Variants in SGCZ observed in about 807,000 individuals in gnomAD.
SGCZ encodes sarcoglycan zeta.
SGCZ carries 40 observed loss-of-function variants against 41.3 expected under a neutral mutation model. The observed-to-expected ratio is 0.97, with a 90% CI of 0.75 to 1.26. The LOEUF (loss-of-function observed/expected upper bound fraction) is 1.26. Among genes scored for constraint, SGCZ ranks in the 50% most tolerant of loss-of-function variants. The pLI is 0.00. For missense variants in SGCZ, 552 were observed against 369.8 expected (o/e 1.49, Z -4.04); for synonymous variants, 206 against 137.5 (o/e 1.50, Z -3.49).
intron 1 of SGCZ, among the ~76,000 whole-genome samples, chr8:15,207,188 C>G (rs1272881424): frequency 6.6e-6 from 1 of 152,012 alleles, no homozygotes; most frequent in Admixed American, 6.6e-5. Flanking sequence ...CTGTTTTTTT[C>G]CAGACACACC....
At chr8:14,303,553 G>A (rs937722231) in intron 3 of SGCZ, among the ~76,000 whole-genome samples, 1 of 152,078 alleles carries the variant, frequency 6.6e-6, no homozygotes, top group African/African-American at 2.4e-5. Context: ...CAATATGTCA[G>A]TGGATTCTTA....
At chr8:14,473,987 C>T (rs964432557) in intron 2 of SGCZ, among the ~76,000 whole-genome samples, 8 of 151,842 alleles carry the variant, frequency 5.3e-5, no homozygotes, top group African/African-American at 1.7e-4. Context: ...AAGTAATACC[C>T]CATGGGTACT....
intron 1 of SGCZ, among the ~76,000 whole-genome samples, chr8:15,133,596 C>T (rs970395675): frequency 2.0e-5 from 3 of 152,196 alleles, no homozygotes; most frequent in African/African-American, 7.2e-5. Context: ...CAGTATCTCA[C>T]TTGTAGGAGA....
chr8:15,004,219 T>TA (rs1395637041), intron 1 of SGCZ, among the ~76,000 whole-genome samples: 8 of 152,234 alleles, frequency 5.3e-5, no homozygotes, highest in Non-Finnish European at 1.0e-4. Flanking sequence ...TCCTAAGAGA[T>TA]ACGCAGGTGC....
intron 4 of SGCZ, among the ~76,000 whole-genome samples, chr8:14,237,218 T>G (rs1342839432): frequency 6.6e-6 from 1 of 152,094 alleles, no homozygotes; most frequent in African/African-American, 2.4e-5. Flanking sequence ...ATAAATGTAA[T>G]TCAATCTCAA....
intron 1 of SGCZ, among the ~76,000 whole-genome samples, chr8:14,560,957 T>C (rs893500132): frequency 6.6e-6 from 1 of 152,186 alleles, no homozygotes; most frequent in African/African-American, 2.4e-5. Context: ...TTTAACATTA[T>C]TATTTTATAA....
chr8:14,191,516 T>C (rs181478855), intron 4 of SGCZ, among the ~76,000 whole-genome samples: 2 of 152,246 alleles, frequency 1.3e-5, no homozygotes, highest in Admixed American at 1.3e-4. Context: ...GTGTACGGTG[T>C]GATATAAGGC....
At chr8:14,108,091 T>G in intron 6 of SGCZ, 72 bp downstream of exon 6, 1 of 1,307,850 alleles carries the variant, frequency 7.6e-7, no homozygotes, top group Non-Finnish European at 1.1e-6. Context: ...GTTGTCTATT[T>G]TAGTTCTTCA....
intron 3 of SGCZ, among the ~76,000 whole-genome samples, chr8:14,286,975 G>GT (rs975233918): frequency 3.3e-5 from 5 of 151,820 alleles, no homozygotes; most frequent in African/African-American, 1.2e-4. Flanking sequence ...AGTGAGTTTA[G>GT]TTTTTTTCCC....
At chr8:14,612,358 C>G (rs1805957512) in intron 1 of SGCZ, among the ~76,000 whole-genome samples, 1 of 152,086 alleles carries the variant, frequency 6.6e-6, no homozygotes, top group Non-Finnish European at 1.5e-5. Flanking sequence ...TTCTCCGGCT[C>G]CCTTATGAAA....
intron 1 of SGCZ, among the ~76,000 whole-genome samples, chr8:14,822,711 G>C (rs1409292458): frequency 6.6e-6 from 1 of 151,580 alleles, no homozygotes; most frequent in Non-Finnish European, 1.5e-5. Context: ...AAGATGCCAA[G>C]AACATTGGGG....
intron 3 of SGCZ, among the ~76,000 whole-genome samples, chr8:14,277,344 T>C (rs1307995587): frequency 7.1e-6 from 1 of 140,756 alleles, no homozygotes; most frequent in Non-Finnish European, 1.6e-5. Flanking sequence ...CTTTACATAG[T>C]ATGCCTTCCT....
chr8:14,845,120 G>T (rs908386982), intron 1 of SGCZ, among the ~76,000 whole-genome samples: 1 of 152,136 alleles, frequency 6.6e-6, no homozygotes, highest in Non-Finnish European at 1.5e-5. Context: ...CTGAAGGACA[G>T]GGAAAGAACA....
intron 2 of SGCZ, among the ~76,000 whole-genome samples, chr8:14,531,353 G>A (rs1803125008): frequency 6.6e-6 from 1 of 151,732 alleles, no homozygotes; most frequent in Non-Finnish European, 1.5e-5. Flanking sequence ...TCATTCTCCA[G>A]TGTCTGCATA....
chr8:15,151,289 C>T (rs1404351773), intron 1 of SGCZ, among the ~76,000 whole-genome samples: 1 of 152,178 alleles, frequency 6.6e-6, no homozygotes, highest in Non-Finnish European at 1.5e-5. Context: ...CAAATCTATC[C>T]CCACTAAGCT....
chr8:14,580,291 G>A (rs1286180377), intron 1 of SGCZ, among the ~76,000 whole-genome samples: 2 of 152,302 alleles, frequency 1.3e-5, no homozygotes, highest in Middle Eastern at 3.4e-3. Flanking sequence ...AAAATAAATT[G>A]TAGAATTGTG....
chr8:15,032,194 ACAT>A (rs1803698983), intron 1 of SGCZ, among the ~76,000 whole-genome samples: 1 of 152,134 alleles, frequency 6.6e-6, no homozygotes, highest in South Asian at 2.1e-4. Flanking sequence ...CCCCACAGAA[ACAT>A]CAACTTATAT....
intron 4 of SGCZ, among the ~76,000 whole-genome samples, chr8:14,228,143 T>G (rs1456116826): frequency 6.6e-6 from 1 of 152,108 alleles, no homozygotes; most frequent in East Asian, 1.9e-4. Context: ...TTATGCCCCA[T>G]TAACCAAATT....
At position 14,595,771 on chromosome 8, in the gene SGCZ, G is replaced by T. The variant is rs532117146; in HGVS notation, c.40-40845C>A. On this transcript the variant is annotated intron_variant, in intron 1 of 7. Coordinates refer to ENST00000382080, the MANE Select transcript of SGCZ (RefSeq NM_139167.4). The stretch of plus-strand genomic sequence containing the variant: ...AAATTCTTTCCATAATAGCTTACAG[G>T]GAAAACACGGGTGCTGCCTTATTGA... 6.6e-4 allele frequency among the ~76,000 whole-genome samples: 101 copies of T among 152,216 alleles called. 4 individuals are homozygous for T. In the South Asian group the frequency reaches 0.021, roughly 32 times the overall value.
Sources: allele counts gnomAD v4.1 joint callset (sites outside exome capture counted in the v4.1 genomes callset), GRCh38; gene constraint gnomAD v4.1.1; transcripts MANE v1.5; gene names NCBI Gene and HGNC (gene_info 2026-07-23, HGNC 2026-07-21).